The following DYNLT2 variants were observed in gnomAD, a reference collection of about 807,000 sequenced individuals.
DYNLT2 encodes the protein dynein light chain Tctex-type 2.
Under a neutral mutation model 24.3 loss-of-function variants are expected in DYNLT2, and 24 were observed. That is an observed-to-expected ratio of 0.99 (90% confidence interval 0.71 to 1.39). The LOEUF (loss-of-function observed/expected upper bound fraction) is 1.39, where lower values mean the gene tolerates loss of function less well. Among genes scored for constraint, DYNLT2 ranks in the 40% most tolerant of loss-of-function variants. The pLI is 0.00. For missense variants in DYNLT2, 246 were observed against 234.5 expected, an observed-to-expected ratio of 1.05 and a Z score of -0.32; for synonymous variants, 85 against 85.4, an observed-to-expected ratio of 1.00 and a Z score of 0.03.
chr6:169,744,223 A>T lies in DYNLT2; in HGVS notation c.172T>A (p.Tyr58Asn). The stretch of plus-strand genomic sequence containing the variant: ...GAGTCATCAAAAGGAGGCTCCACAT[A>T]CTGAACATTGTGAATTGACTCTCTC... ...RLRESIHNVQ[Y>N]VEPPFDDSIA... The change falls in exon 2 of 4, where the codon TAT becomes AAT. Residue 58 changes from tyrosine to asparagine, a missense_variant. By Grantham distance (143) the Tyr-to-Asn change is moderately radical. Coordinates refer to ENST00000366774, the MANE Select transcript of DYNLT2 (RefSeq NM_174910.3). 6.2e-7 allele frequency: 1 copy of T among 1,613,770 alleles called. No individual in the cohort carries two copies.
chr6:169,751,027 A>C, intron 1 of DYNLT2: 1 of 286,432 alleles, frequency 3.5e-6, no homozygotes. Context: ...AATAATACTC[A>C]GAGTACTCTC....
chr6:169,735,288 A>G (rs760718197), downstream of DYNLT2, among the ~76,000 whole-genome samples: 8 of 150,956 alleles, frequency 5.3e-5, no homozygotes, highest in African/African-American at 1.2e-4. Flanking sequence ...GTCTCCTTCA[A>G]TTCTTCTCTG....
At chr6:169,744,497 C>T (rs1179371538) in intron 1 of DYNLT2, among the ~76,000 whole-genome samples, 1 of 152,084 alleles carries the variant, frequency 6.6e-6, no homozygotes, top group Non-Finnish European at 1.5e-5. Flanking sequence ...ATTCTTTTAT[C>T]TATACTCACA....
chr6:169,729,316 T>C, the DYNLT2 span, among the ~76,000 whole-genome samples: 1 of 152,132 alleles, frequency 6.6e-6, no homozygotes, highest in Non-Finnish European at 1.5e-5. Context: ...CGAGGTCTCA[T>C]CCTATCTTTG....
chr6:169,738,330 C>T (rs1371393804), downstream of DYNLT2, among the ~76,000 whole-genome samples: 1 of 152,224 alleles, frequency 6.6e-6, no homozygotes, highest in Non-Finnish European at 1.5e-5. Context: ...CACCCTTCCT[C>T]ATGGGAATTG....
intron 1 of DYNLT2, among the ~76,000 whole-genome samples, chr6:169,745,107 T>C (rs1004021591): frequency 6.6e-6 from 1 of 152,068 alleles, no homozygotes; most frequent in Non-Finnish European, 1.5e-5. Context: ...GTTTGTTTTT[T>C]TTTTTGAGAC....
rs747427078 is a variant in DYNLT2, at chr6:169,740,304, G to A, written c.487-9C>T. 17 of 1,594,398 alleles carry A rather than the reference G, an allele frequency of 1.1e-5. No individual in the cohort carries two copies. Among genetic ancestry groups the A allele is most frequent in the Admixed American group, 1.7e-5 (1 of 59,700 alleles). Reference sequence around the variant, plus strand: ...ATCCATCTGCTGGCAATCTGTGAGAGAAATTTTGTAAAGACCAACTTTAGA... The same window carrying A: ...ATCCATCTGCTGGCAATCTGTGAGAAAAATTTTGTAAAGACCAACTTTAGA... On this transcript the variant is annotated splice_polypyrimidine_tract_variant and intron_variant, in intron 3 of 3. Coordinates refer to ENST00000366774, the MANE Select transcript of DYNLT2 (RefSeq NM_174910.3).
chr6:169,740,388 C>T, intron 3 of DYNLT2, 93 bp from the exon 4 acceptor site: 1 of 727,770 alleles, frequency 1.4e-6, no homozygotes, highest in Non-Finnish European at 2.4e-6. Context: ...ATGAATGCAT[C>T]AGTATCTCAG....
the DYNLT2 span, among the ~76,000 whole-genome samples, chr6:169,726,583 A>G: frequency 2.0e-5 from 3 of 152,222 alleles, no homozygotes; most frequent in Non-Finnish European, 2.9e-5. Flanking sequence ...ACTATGATGT[A>G]ATGGAGAGAA....
the DYNLT2 span, among the ~76,000 whole-genome samples, chr6:169,728,270 T>C: frequency 6.6e-6 from 1 of 152,182 alleles, no homozygotes; most frequent in Admixed American, 6.5e-5. Context: ...CTATAAATGG[T>C]GAAAAAAGCC....
chr6:169,739,946 C>A (rs1474333752), downstream of DYNLT2, among the ~76,000 whole-genome samples: 1 of 152,112 alleles, frequency 6.6e-6, no homozygotes, highest in Non-Finnish European at 1.5e-5. Flanking sequence ...TATACACACA[C>A]AGACACACAT....
chr6:169,740,958 G>A (rs577458712), intron 3 of DYNLT2, among the ~76,000 whole-genome samples: 17 of 152,090 alleles, frequency 1.1e-4, no homozygotes, highest in Non-Finnish European at 2.2e-4. Flanking sequence ...ACAGGTGCCT[G>A]CCACCACATC....
At chr6:169,725,272 G>A in the DYNLT2 span, 26 of 398,550 alleles carry the variant, frequency 6.5e-5, no homozygotes, top group Non-Finnish European at 1.1e-4. Context: ...GAATGTTCTC[G>A]GATTTAAAGT....
intron 1 of DYNLT2, among the ~76,000 whole-genome samples, chr6:169,747,388 A>G (rs1038498607): frequency 6.8e-6 from 1 of 146,380 alleles, no homozygotes; most frequent in Non-Finnish European, 1.5e-5. Context: ...TATTTCTTCC[A>G]GTACTTTTTG....
chr6:169,746,919 G>A (rs1279147146), intron 1 of DYNLT2, among the ~76,000 whole-genome samples: 2 of 150,322 alleles, frequency 1.3e-5, no homozygotes, highest in African/African-American at 4.9e-5. Context: ...GAGGGCTGGA[G>A]TGAGGTCACA....
At chr6:169,727,663 A>G in the DYNLT2 span, among the ~76,000 whole-genome samples, 3 of 151,948 alleles carry the variant, frequency 2.0e-5, no homozygotes, top group Non-Finnish European at 4.4e-5. Context: ...TCCTGGGTTC[A>G]CGCCATTCTC....
intron 1 of DYNLT2, among the ~76,000 whole-genome samples, chr6:169,746,663 G>A (rs574589358): frequency 1.3e-5 from 2 of 152,136 alleles, no homozygotes; most frequent in East Asian, 3.9e-4. Context: ...CACTCTGTGT[G>A]TTTGTTGTTG....
chr6:169,740,442 A>G (rs1789653012), intron 3 of DYNLT2, 147 bp from the exon 4 acceptor site: 1 of 616,540 alleles, frequency 1.6e-6, no homozygotes, highest in African/African-American at 1.8e-5. Flanking sequence ...CCCTTTCATA[A>G]AGAGCCTGGA....
chr6:169,749,508 C>T (rs1375756643), intron 1 of DYNLT2: 4 of 152,190 alleles, frequency 2.6e-5, no homozygotes, highest in Non-Finnish European at 5.9e-5. Flanking sequence ...GGAACTCATT[C>T]GTGTTAAGCC....
Sources: gnomAD v4.1 joint callset for allele counts (sites outside exome capture counted in the v4.1 genomes callset) on GRCh38, gnomAD v4.1.1 for gene constraint, MANE v1.5 for transcripts, NCBI Gene and HGNC (gene_info 2026-07-23, HGNC 2026-07-21) for gene names.